The following RHOU variants were observed in gnomAD, a reference collection of about 807,000 sequenced individuals.
The protein encoded by RHOU is ras homolog family member U.
Under a neutral mutation model 12.6 loss-of-function variants are expected in RHOU, and 8 were observed. The ratio of observed to expected loss-of-function variants is 0.64; its 90% CI spans 0.37 to 1.15. The LOEUF is 1.15. RHOU is among the 50% of genes most tolerant of loss of function. RHOU has a pLI of 0.01. For missense variants in RHOU, 258 were observed against 347.0 expected (o/e 0.74, Z 2.04); for synonymous variants, 161 against 147.4 (o/e 1.09, Z -0.67).
chr1:228,712,944 C>G, the RHOU span, among the ~76,000 whole-genome samples: 8 of 151,576 alleles, frequency 5.3e-5, no homozygotes, highest in African/African-American at 1.9e-4. Context: ...CTGACCTAGT[C>G]GGATATCTGA....
the RHOU span, among the ~76,000 whole-genome samples, chr1:228,728,415 A>G: frequency 7.2e-5 from 11 of 152,330 alleles, no homozygotes; most frequent in African/African-American, 2.4e-4. Context: ...ACACTTATAA[A>G]TAGCCATGGT....
chr1:228,715,968 G>T, the RHOU span, among the ~76,000 whole-genome samples: 286 of 149,692 alleles, frequency 1.9e-3, 2 homozygotes, highest in Non-Finnish European at 1.0e-3. Flanking sequence ...AGCCTGGAGT[G>T]CAGTGGCATG....
rs1421771955 is a variant in RHOU, at chr1:228,737,316, C to T, written c.263-357C>T. On this transcript the variant is annotated intron_variant, in intron 1 of 2. Coordinates refer to ENST00000366691, the MANE Select transcript of RHOU (RefSeq NM_021205.6). The surrounding 1 kb of genome is among the most constrained non-coding windows in gnomAD (Gnocchi z 4.1). ...GAGGTTTTCCACTGATTTAAAACTG[C>T]AGGGTTGCTTCCCATTTACCCCCAG... 6.6e-6 allele frequency among the ~76,000 whole-genome samples: 1 copy of T among 152,206 alleles called. No individual in the cohort carries two copies. Among genetic ancestry groups the T allele is most frequent in the Non-Finnish European group, 1.5e-5 (1 of 68,036 alleles).
Position 228,745,530 on chromosome 1 carries a change from CTTTG to C in RHOU, c.*1794_*1797del, listed in dbSNP as rs746613794. The C allele has an allele frequency of 3.3e-5, 5 of 152,252 alleles. No homozygotes were observed. The South Asian group carries it at 1.0e-3, about 32-fold the overall frequency. 9.4% of individuals were successfully genotyped at this position (152,252 alleles called of 1,614,324 possible). ...GTTAGTAAATAAAATTAACAAATTT[CTTTG>C]TTTAACAAAAGATTAATCTTTAAAC... On this transcript the variant is annotated 3_prime_UTR_variant, in exon 3 of 3. Coordinates refer to ENST00000366691, the MANE Select transcript of RHOU (RefSeq NM_021205.6).
At chr1:228,721,359 C>T in the RHOU span, among the ~76,000 whole-genome samples, 1 of 152,106 alleles carries the variant, frequency 6.6e-6, no homozygotes, top group African/African-American at 2.4e-5. Context: ...ACTACAAGAG[C>T]TTCACTCATG....
the RHOU span, among the ~76,000 whole-genome samples, chr1:228,721,181 A>G: frequency 6.6e-6 from 1 of 152,176 alleles, no homozygotes; most frequent in African/African-American, 2.4e-5. Flanking sequence ...AGGTGCCTGT[A>G]ATCCCAGCCA....
At chr1:228,707,756 C>G in the RHOU span, among the ~76,000 whole-genome samples, 1 of 152,178 alleles carries the variant, frequency 6.6e-6, no homozygotes, top group Non-Finnish European at 1.5e-5. Flanking sequence ...AGTGCCTCTC[C>G]TCCTCCAAAG....
At chr1:228,721,571 C>T in the RHOU span, among the ~76,000 whole-genome samples, 8 of 152,322 alleles carry the variant, frequency 5.3e-5, no homozygotes, top group African/African-American at 1.7e-4. Context: ...ACAACCAGAT[C>T]CAGTGGGTGT....
At chr1:228,693,760 C>T in the RHOU span, among the ~76,000 whole-genome samples, 1 of 152,144 alleles carries the variant, frequency 6.6e-6, no homozygotes, top group Non-Finnish European at 1.5e-5. Context: ...GCCACCGCTC[C>T]CGGCACCTCA....
chr1:228,737,659 G>A lies in RHOU; in HGVS notation c.263-14G>A. ...AAGACACCTCCTGATTGTCATTTTGGTTTTGTTTTTAAGCGGTGGTGTCTG... is the reference window on the plus strand; with the variant it reads ...AAGACACCTCCTGATTGTCATTTTGATTTTGTTTTTAAGCGGTGGTGTCTG... On this transcript the variant is annotated splice_polypyrimidine_tract_variant and intron_variant, in intron 1 of 2. Coordinates refer to ENST00000366691, the MANE Select transcript of RHOU (RefSeq NM_021205.6). The surrounding 1 kb of genome is among the most constrained non-coding windows in gnomAD (Gnocchi z 4.1). The A allele has an allele frequency of 6.2e-7, 1 of 1,614,040 alleles. No homozygotes were observed. The highest frequency in any genetic ancestry group is 1.7e-5 in the Admixed American group (1 of 60,022).
At chr1:228,708,130 C>G in the RHOU span, among the ~76,000 whole-genome samples, 2 of 152,108 alleles carry the variant, frequency 1.3e-5, no homozygotes, top group South Asian at 4.1e-4. Context: ...AAGAAACGAG[C>G]AAAGCGTCCA....
chr1:228,657,830 C>T, the RHOU span, among the ~76,000 whole-genome samples: 4 of 152,316 alleles, frequency 2.6e-5, no homozygotes, highest in Middle Eastern at 3.4e-3. Context: ...CAAATATCTT[C>T]TCTGACCACA....
At chr1:228,714,049 T>C in the RHOU span, among the ~76,000 whole-genome samples, 1 of 152,204 alleles carries the variant, frequency 6.6e-6, no homozygotes, top group Admixed American at 6.5e-5. Flanking sequence ...TTTTATAGCC[T>C]CTATGGAGAC....
the RHOU span, among the ~76,000 whole-genome samples, chr1:228,708,669 G>C: frequency 6.6e-6 from 1 of 151,854 alleles, no homozygotes; most frequent in African/African-American, 2.4e-5. Context: ...CACTAAACAT[G>C]GAAAGGAACA....
chr1:228,741,582 C>T (rs568286832), intron 2 of RHOU, among the ~76,000 whole-genome samples: 234 of 152,272 alleles, frequency 1.5e-3, no homozygotes, highest in African/African-American at 5.2e-3. Context: ...AAAAGATCTT[C>T]ATGACTGAGC....
Position 228,738,264 on chromosome 1 carries a change from G to A in RHOU, c.321+533G>A, listed in dbSNP as rs1662653422. On this transcript the variant is annotated intron_variant, in intron 2 of 2. Transcript: ENST00000366691. The surrounding 1 kb of genome is among the most constrained non-coding windows in gnomAD (Gnocchi z 4.2). The stretch of plus-strand genomic sequence containing the variant: ...GATACATTTGTCAGAGCAGTCCTAA[G>A]CTGGAGGGATGAACTAACTGGGCTT... Among the ~76,000 whole-genome samples the A allele has an allele frequency of 6.6e-6, 1 of 152,226 alleles. No individual in the cohort carries two copies. The highest frequency in any genetic ancestry group is 1.5e-5 in the Non-Finnish European group (1 of 68,044).
At chr1:228,714,876 T>C in the RHOU span, among the ~76,000 whole-genome samples, 1 of 151,346 alleles carries the variant, frequency 6.6e-6, no homozygotes, top group Admixed American at 6.6e-5. Context: ...CCTGAGTAGC[T>C]GAGACTACAG....
the RHOU span, among the ~76,000 whole-genome samples, chr1:228,721,162 C>T: frequency 1.4e-4 from 21 of 152,102 alleles, no homozygotes; most frequent in Non-Finnish European, 2.8e-4. Flanking sequence ...ATTAGCCTGG[C>T]GTGGTGGCAG....
chr1:228,722,223 G>T, the RHOU span, among the ~76,000 whole-genome samples: 2 of 152,276 alleles, frequency 1.3e-5, no homozygotes, highest in South Asian at 4.2e-4. Flanking sequence ...TTGGCAGATA[G>T]CTTTTCTATT....
Sources: allele counts gnomAD v4.1 joint callset (sites outside exome capture counted in the v4.1 genomes callset), GRCh38; gene constraint gnomAD v4.1.1; non-coding constraint Gnocchi (gnomAD v3.1); transcripts MANE v1.5; gene names NCBI Gene and HGNC (gene_info 2026-07-23, HGNC 2026-07-21).